Variants in SATL1 observed in about 807,000 individuals in gnomAD.
The protein encoded by SATL1 is spermidine/spermine N(1)-acetyltransferase-like protein 1.
A neutral mutation model predicts 51.8 loss-of-function variants in SATL1; 47 were observed. The ratio of observed to expected loss-of-function variants is 0.91; its 90% CI spans 0.72 to 1.16. The LOEUF is 1.16. SATL1 is among the 50% of genes most tolerant of loss of function. SATL1 has a pLI of 0.00. For synonymous variants in SATL1, 176 were observed against 182.4 expected, an observed-to-expected ratio of 0.97 and a Z score of 0.28; for missense variants, 520 against 526.4, an observed-to-expected ratio of 0.99 and a Z score of 0.12.
intron 2 of SATL1, among the ~76,000 whole-genome samples, chrX:85,149,040 G>A (rs1286420105): frequency 2.7e-5 from 3 of 111,576 alleles, no homozygotes; most frequent in Non-Finnish European, 5.6e-5. Flanking sequence ...AAAGAGTCAA[G>A]ACCCATCAGT....
At chrX:85,172,878 A>T (rs1485961390) in intron 2 of SATL1, among the ~76,000 whole-genome samples, 1 of 111,213 alleles carries the variant, frequency 9.0e-6, no homozygotes, top group African/African-American at 3.3e-5. Flanking sequence ...TTGTACCTCT[A>T]TAAGATGGGC....
chrX:85,138,054 T>G (rs1926006267), intron 2 of SATL1, among the ~76,000 whole-genome samples: 1 of 112,018 alleles, frequency 8.9e-6, no homozygotes, highest in African/African-American at 3.2e-5. Flanking sequence ...TATTCCTGTA[T>G]ATTGTCCACT....
chrX:85,108,571 C>T lies in SATL1; in HGVS notation c.398G>A (p.Gly133Asp). The T allele has an allele frequency of 8.3e-7, 1 of 1,207,409 alleles. No homozygotes were observed. The highest frequency in any genetic ancestry group is 1.1e-6 in the Non-Finnish European group (1 of 893,058). ...RMRQIGTNQSGMSQPVMQQLD... is the reference protein window; with the variant it reads ...RMRQIGTNQSDMSQPVMQQLD... The stretch of plus-strand genomic sequence containing the variant: ...TTGCTGCATCACTGGTTGGCTCATA[C>T]CTGATTGGTTCGTGCCTATTTGCCT... Residue 133 changes from glycine to aspartate, a missense_variant, in exon 3 of 8, where the codon GGT becomes GAT. By Grantham distance (94) the Gly-to-Asp change is moderately conservative. Around this residue, in one of 3 missense-constraint regions of SATL1, gnomAD observed 488 missense variants for 474.3 expected, o/e 1.03. Transcript: ENST00000644105.
chrX:85,118,050 A>G (rs1026182176), intron 2 of SATL1, among the ~76,000 whole-genome samples: 1 of 104,775 alleles, frequency 9.5e-6, no homozygotes, highest in African/African-American at 3.5e-5. Flanking sequence ...ATAGGGGCTG[A>G]TAATGAAACT....
chrX:85,199,007 T>A (rs912660021), intron 2 of SATL1, among the ~76,000 whole-genome samples: 6 of 110,023 alleles, frequency 5.5e-5, no homozygotes, highest in African/African-American at 1.7e-4. Flanking sequence ...CCAGCTAATT[T>A]TTTTGTAATT....
At chrX:85,121,285 TAG>T (rs900581388) in intron 2 of SATL1, among the ~76,000 whole-genome samples, 25 of 105,524 alleles carry the variant, frequency 2.4e-4, no homozygotes, top group African/African-American at 7.5e-4. Flanking sequence ...TTATTATATT[TAG>T]AGAGAGAATA....
At chrX:85,202,012 T>C (rs1358246568) in intron 2 of SATL1, among the ~76,000 whole-genome samples, 1 of 112,216 alleles carries the variant, frequency 8.9e-6, no homozygotes, top group African/African-American at 3.2e-5. Flanking sequence ...ATGGTACTTC[T>C]GCTTTTAGCT....
At chrX:85,156,813 T>TTATATATATATATATA (rs71933802) in intron 2 of SATL1, among the ~76,000 whole-genome samples, 1 of 62,271 alleles carries the variant, frequency 1.6e-5, no homozygotes, top group Non-Finnish European at 2.8e-5. Flanking sequence ...CATGTGGAGA[T>TTATATATATATATATA]TATATATATA....
At chrX:85,192,729 C>T (rs950399308) in intron 2 of SATL1, among the ~76,000 whole-genome samples, 2 of 111,354 alleles carry the variant, frequency 1.8e-5, no homozygotes, top group Non-Finnish European at 3.8e-5. Context: ...ATCCATATTC[C>T]GCATTAGTTT....
intron 2 of SATL1, among the ~76,000 whole-genome samples, chrX:85,120,051 C>G (rs1296333705): frequency 9.0e-6 from 1 of 111,243 alleles, no homozygotes; most frequent in African/African-American, 3.3e-5. Flanking sequence ...GCTTTTTCTC[C>G]TTCAAATAGT....
intron 2 of SATL1, among the ~76,000 whole-genome samples, chrX:85,168,186 G>A (rs1926889146): frequency 1.8e-5 from 2 of 111,104 alleles, no homozygotes; most frequent in Admixed American, 1.9e-4. Context: ...GATACTGAAT[G>A]GGCAAAAGCT....
intron 2 of SATL1, among the ~76,000 whole-genome samples, chrX:85,202,180 A>C (rs1860417358): frequency 9.0e-6 from 1 of 111,608 alleles, no homozygotes; most frequent in Non-Finnish European, 1.9e-5. Flanking sequence ...TATCTCTTTT[A>C]ATTTAAGTTC....
intron 2 of SATL1, among the ~76,000 whole-genome samples, chrX:85,141,800 TTAGA>T (rs954118093): frequency 4.1e-4 from 45 of 109,607 alleles, no homozygotes; most frequent in African/African-American, 1.3e-3. Context: ...CATGTGGAGC[TTAGA>T]TAAAGAATTA....
intron 2 of SATL1, among the ~76,000 whole-genome samples, chrX:85,143,754 T>G: frequency 9.0e-6 from 1 of 111,512 alleles, no homozygotes; most frequent in Non-Finnish European, 1.9e-5. Flanking sequence ...ATCTCTGAGA[T>G]AAATATGAAA....
chrX:85,205,941 C>G (rs1284995218), intron 2 of SATL1, among the ~76,000 whole-genome samples: 1 of 111,358 alleles, frequency 9.0e-6, no homozygotes, highest in Non-Finnish European at 1.9e-5. Context: ...ATAAATAGAA[C>G]AAACAAAACT....
intron 1 of SATL1, among the ~76,000 whole-genome samples, chrX:85,239,791 C>T (rs1928550516): frequency 9.0e-6 from 1 of 111,280 alleles, no homozygotes; most frequent in African/African-American, 3.3e-5. Flanking sequence ...ACAAATATTG[C>T]TGGAACCTTT....
chrX:85,094,359 A>G (rs1924627970), intron 5 of SATL1, 130 bp from the exon 6 acceptor site: 4 of 443,694 alleles, frequency 9.0e-6, no homozygotes, highest in South Asian at 3.9e-5. Flanking sequence ...AAAAATAACA[A>G]TACAAAAACA....
chrX:85,115,419 C>T (rs1241893107), intron 2 of SATL1, among the ~76,000 whole-genome samples: 2 of 112,492 alleles, frequency 1.8e-5, no homozygotes, highest in African/African-American at 6.5e-5. Context: ...ACAGCTGGGA[C>T]AGCTGGGGTT....
intron 2 of SATL1, among the ~76,000 whole-genome samples, chrX:85,112,772 A>G (rs1925288917): frequency 9.0e-6 from 1 of 111,205 alleles, no homozygotes; most frequent in Non-Finnish European, 1.9e-5. Context: ...TTTTATATCT[A>G]TAGGGAGACT....
Sources: allele counts gnomAD v4.1 joint callset (sites outside exome capture counted in the v4.1 genomes callset), GRCh38; gene constraint gnomAD v4.1.1; regional missense constraint gnomAD v4.1.1; transcripts MANE v1.5; gene names NCBI Gene and HGNC (gene_info 2026-07-23, HGNC 2026-07-21).